The following KCNH7 variants were observed in gnomAD, a reference collection of about 807,000 sequenced individuals.
The protein encoded by KCNH7 is voltage-gated inwardly rectifying potassium channel KCNH7.
In KCNH7, 49 loss-of-function variants were observed where a neutral mutation model predicts 120.8. The ratio of observed to expected loss-of-function variants is 0.41; its 90% CI spans 0.32 to 0.51. KCNH7 has a LOEUF of 0.51. Among genes scored for constraint, KCNH7 ranks in the 20% least tolerant of loss-of-function variants. The probability of loss-of-function intolerance (pLI) is 0.38; values close to 1 mark genes in which losing one functional copy is unlikely to be tolerated. For synonymous variants in KCNH7, 547 were observed against 516.1 expected (o/e 1.06, Z -0.81); for missense variants, 1,097 against 1,446.6 (o/e 0.76, Z 3.92).
At chr2:162,808,738 G>GAT (rs988650380) in intron 2 of KCNH7, among the ~76,000 whole-genome samples, 10 of 151,304 alleles carry the variant, frequency 6.6e-5, no homozygotes, top group African/African-American at 1.2e-4. Context: ...ATATATTAAA[G>GAT]ATATATATAC....
At chr2:162,721,040 A>G (rs372466431) in intron 2 of KCNH7, among the ~76,000 whole-genome samples, 3 of 152,278 alleles carry the variant, frequency 2.0e-5, no homozygotes, top group South Asian at 4.1e-4. Context: ...TACTAACGCT[A>G]CGACTCATTT....
At chr2:162,570,083 C>G (rs1026836315) in intron 2 of KCNH7, among the ~76,000 whole-genome samples, 2 of 145,242 alleles carry the variant, frequency 1.4e-5, no homozygotes, top group African/African-American at 5.2e-5. Context: ...CCTGGGTAAC[C>G]TTGTTGACTT....
chr2:162,455,325 G>A (rs1361128446), intron 6 of KCNH7, among the ~76,000 whole-genome samples: 1 of 152,150 alleles, frequency 6.6e-6, no homozygotes. Flanking sequence ...TGCCCTGCTG[G>A]ATTTGGTTTG....
Position 162,684,398 on chromosome 2 carries a change from C to A in KCNH7, c.308-147318G>T, listed in dbSNP as rs144371192. Among the ~76,000 whole-genome samples the A allele has an allele frequency of 5.9e-3, 903 of 152,192 alleles. 8 individuals carry two copies. The highest frequency in any genetic ancestry group is 0.02 in the African/African-American group (848 of 41,546). On this transcript the variant is annotated intron_variant, in intron 2 of 15. Coordinates refer to ENST00000332142, the MANE Select transcript of KCNH7 (RefSeq NM_033272.4). ...TCTGTATAGCAAAACAAACTATCAT[C>A]AGAGTGAACAGGCAACCTACGGAAA...
chr2:162,756,992 C>T lies in KCNH7; in HGVS notation c.307+79545G>A, dbSNP rs542759572. Among the ~76,000 whole-genome samples, 190 of 152,046 alleles carry T rather than the reference C, an allele frequency of 1.2e-3. 1 individual carries two copies. Among genetic ancestry groups the T allele is most frequent in the African/African-American group, 3.2e-3 (133 of 41,480 alleles). On this transcript the variant is annotated intron_variant, in intron 2 of 15. Coordinates refer to ENST00000332142, the MANE Select transcript of KCNH7 (RefSeq NM_033272.4). ...GTTAGTCATCAAAATATAATATAACCGTGGTAAAATTAAGTCCTGTGTACA... is the reference window on the plus strand; with the variant it reads ...GTTAGTCATCAAAATATAATATAACTGTGGTAAAATTAAGTCCTGTGTACA...
At chr2:162,520,319 A>T (rs1269169590) in intron 3 of KCNH7, among the ~76,000 whole-genome samples, 1 of 151,474 alleles carries the variant, frequency 6.6e-6, no homozygotes. Context: ...CCTCCTGAAT[A>T]TCTGTTTTCA....
intron 7 of KCNH7, among the ~76,000 whole-genome samples, chr2:162,444,729 G>A (rs1688527510): frequency 6.6e-6 from 1 of 151,914 alleles, no homozygotes; most frequent in Non-Finnish European, 1.5e-5. Flanking sequence ...AAGCTTATTT[G>A]GTGCAATGAT....
At chr2:162,578,234 A>ATTTTT (rs1428620287) in intron 2 of KCNH7, among the ~76,000 whole-genome samples, 1 of 151,630 alleles carries the variant, frequency 6.6e-6, no homozygotes, top group Non-Finnish European at 1.5e-5. Flanking sequence ...AATGAAAGTA[A>ATTTTT]CATTTATGAA....
intron 2 of KCNH7, among the ~76,000 whole-genome samples, chr2:162,551,951 T>C (rs544919942): frequency 6.6e-6 from 1 of 152,336 alleles, no homozygotes; most frequent in South Asian, 2.1e-4. Flanking sequence ...AACATTTTTC[T>C]GTAAGGCAAA....
At chr2:162,385,704 T>A (rs1163508123) in intron 12 of KCNH7, among the ~76,000 whole-genome samples, 1 of 151,834 alleles carries the variant, frequency 6.6e-6, no homozygotes, top group Admixed American at 6.6e-5. Flanking sequence ...TAATTCTCCA[T>A]CTGGTTTCTG....
At chr2:162,837,181 C>A (rs926341455) in intron 1 of KCNH7, among the ~76,000 whole-genome samples, 2 of 152,128 alleles carry the variant, frequency 1.3e-5, no homozygotes, top group African/African-American at 4.8e-5. Flanking sequence ...TCATTTCAAC[C>A]TTGGCCCTTT....
intron 2 of KCNH7, among the ~76,000 whole-genome samples, chr2:162,710,450 G>A (rs575685787): frequency 6.6e-6 from 1 of 152,278 alleles, no homozygotes; most frequent in Admixed American, 6.5e-5. Context: ...GAGAAGCTGA[G>A]TACACTGTGC....
At chr2:162,543,075 C>T (rs1048095791) in intron 2 of KCNH7, among the ~76,000 whole-genome samples, 1 of 152,050 alleles carries the variant, frequency 6.6e-6, no homozygotes, top group African/African-American at 2.4e-5. Context: ...AGAATACTTG[C>T]CCGTTTCTCT....
At chr2:162,439,191 T>C (rs1395994155) in intron 7 of KCNH7, among the ~76,000 whole-genome samples, 1 of 151,962 alleles carries the variant, frequency 6.6e-6, no homozygotes, top group Non-Finnish European at 1.5e-5. Context: ...CATAAATTTG[T>C]TCACAATTTT....
chr2:162,656,082 G>A (rs1004911409), intron 2 of KCNH7, among the ~76,000 whole-genome samples: 5 of 152,132 alleles, frequency 3.3e-5, no homozygotes, highest in Admixed American at 2.0e-4. Flanking sequence ...CCATTGTACT[G>A]TATATAAATT....
intron 9 of KCNH7, among the ~76,000 whole-genome samples, chr2:162,419,461 A>G (rs1687636568): frequency 6.6e-6 from 1 of 152,118 alleles, no homozygotes; most frequent in Non-Finnish European, 1.5e-5. Flanking sequence ...GCTTTAAAAA[A>G]TATTGGAAAA....
In KCNH7 at chr2:162,825,223, C is replaced by T. The variant is rs368671636; in HGVS notation, c.307+11314G>A. Among the ~76,000 whole-genome samples the T allele has an allele frequency of 4.4e-4, 66 of 151,630 alleles. 2 individuals carry two copies. The highest frequency in any genetic ancestry group is 1.5e-3 in the Admixed American group (22 of 15,168). ...AGCTGGTGTGAAGTGGGGCATCCAGCGAGGATACTCAGCTATTCAAGAGAT... is the reference window on the plus strand; with the variant it reads ...AGCTGGTGTGAAGTGGGGCATCCAGTGAGGATACTCAGCTATTCAAGAGAT... On this transcript the variant is annotated intron_variant, in intron 2 of 15. Coordinates refer to ENST00000332142, the MANE Select transcript of KCNH7 (RefSeq NM_033272.4).
At chr2:162,604,854 G>A (rs986418294) in intron 2 of KCNH7, among the ~76,000 whole-genome samples, 1 of 151,964 alleles carries the variant, frequency 6.6e-6, no homozygotes, top group African/African-American at 2.4e-5. Context: ...CCATTGACCT[G>A]CAAAGCAAGA....
intron 2 of KCNH7, among the ~76,000 whole-genome samples, chr2:162,681,517 G>GA (rs1685709366): frequency 6.6e-6 from 1 of 151,618 alleles, no homozygotes; most frequent in Admixed American, 6.6e-5. Flanking sequence ...CAATTTAAGA[G>GA]AAAATAGAAA....
Sources: allele counts gnomAD v4.1 joint callset (sites outside exome capture counted in the v4.1 genomes callset), GRCh38; gene constraint gnomAD v4.1.1; transcripts MANE v1.5; gene names NCBI Gene and HGNC (gene_info 2026-07-23, HGNC 2026-07-21).